The following DENND1A variants were observed in gnomAD, a reference collection of about 807,000 sequenced individuals.
DENND1A encodes DENN domain-containing protein 1A.
DENND1A carries 51 observed loss-of-function variants against 113.7 expected under a neutral mutation model. The observed-to-expected ratio is 0.45, with a 90% CI of 0.36 to 0.57. DENND1A has a LOEUF of 0.57. DENND1A is among the 20% of genes least tolerant of loss of function. DENND1A has a pLI of 0.00. For synonymous variants in DENND1A, 565 were observed against 570.8 expected, an observed-to-expected ratio of 0.99 and a Z score of 0.14; for missense variants, 1,258 against 1,395.9, an observed-to-expected ratio of 0.90 and a Z score of 1.57.
chr9:123,554,019 G>A (rs1589115364), intron 13 of DENND1A, among the ~76,000 whole-genome samples: 1 of 152,210 alleles, frequency 6.6e-6, no homozygotes, highest in African/African-American at 2.4e-5. Context: ...GCTTCCCAAA[G>A]TGCTGGGATT....
intron 2 of DENND1A, among the ~76,000 whole-genome samples, chr9:123,814,971 G>A (rs542660401): frequency 1.3e-5 from 2 of 152,314 alleles, no homozygotes; most frequent in Admixed American, 1.3e-4. Flanking sequence ...TCCAATGTTT[G>A]CTGAAAGCAA....
chr9:123,681,336 G>A (rs2064440401), intron 5 of DENND1A, among the ~76,000 whole-genome samples: 1 of 143,224 alleles, frequency 7.0e-6, no homozygotes, highest in African/African-American at 2.5e-5. Flanking sequence ...GTCGGGGGAG[G>A]GGAGGGAGGC....
At chr9:123,476,203 G>A (rs972651286) in intron 13 of DENND1A, among the ~76,000 whole-genome samples, 3 of 151,876 alleles carry the variant, frequency 2.0e-5, no homozygotes, top group African/African-American at 7.3e-5. Context: ...AAAAATGTTC[G>A]GGAGATTCCT....
chr9:123,727,906 A>G (rs1388896870), intron 5 of DENND1A, among the ~76,000 whole-genome samples: 1 of 151,866 alleles, frequency 6.6e-6, no homozygotes, highest in Non-Finnish European at 1.5e-5. Context: ...GGAGATCGAG[A>G]CCATCCTGGC....
intron 5 of DENND1A, among the ~76,000 whole-genome samples, chr9:123,744,713 T>C (rs1453928621): frequency 1.3e-5 from 2 of 151,988 alleles, no homozygotes; most frequent in Admixed American, 1.3e-4. Context: ...TACTATACTA[T>C]GTGATGTGGT....
In DENND1A at chr9:123,397,442, C is replaced by A. The variant is rs187459118; in HGVS notation, c.1631+5960G>T. Among the ~76,000 whole-genome samples the A allele has an allele frequency of 9.3e-4, 142 of 152,310 alleles. 1 individual carries two copies. Among genetic ancestry groups the A allele is most frequent in the African/African-American group, 3.2e-3 (131 of 41,572 alleles). ...AGTACTGGGATACAAGCATGAGCCACCGTGCCCAGCCTAGAATAAGGATAT... is the reference window on the plus strand; with the variant it reads ...AGTACTGGGATACAAGCATGAGCCAACGTGCCCAGCCTAGAATAAGGATAT... On this transcript the variant is annotated intron_variant, in intron 21 of 23. Transcript: ENST00000394215.
intron 9 of DENND1A, among the ~76,000 whole-genome samples, chr9:123,650,716 G>A (rs559553030): frequency 6.6e-6 from 1 of 151,986 alleles, no homozygotes; most frequent in Non-Finnish European, 1.5e-5. Context: ...AGACCAGCCT[G>A]GTCAACATGG....
intron 12 of DENND1A, among the ~76,000 whole-genome samples, chr9:123,576,973 T>C (rs1056091376): frequency 2.0e-5 from 3 of 152,190 alleles, no homozygotes; most frequent in East Asian, 1.9e-4. Context: ...TTTGGGTCCA[T>C]TGTGTTTCAG....
chr9:123,748,187 T>A lies in DENND1A; in HGVS notation c.302+9516A>T, dbSNP rs189695016. 2.1e-4 allele frequency among the ~76,000 whole-genome samples: 32 copies of A among 152,314 alleles called. 1 individual carries two copies. Among genetic ancestry groups the A allele is most frequent in the Middle Eastern group, 3.4e-3 (1 of 294 alleles). ...AAGAATATTTAATGACATGTAAAGA[T>A]GGTTACAATTTAATAAGTGAAAAAG... On this transcript the variant is annotated intron_variant, in intron 5 of 23. Coordinates refer to ENST00000394215, the MANE Select transcript of DENND1A (RefSeq NM_001352964.2).
intron 18 of DENND1A, among the ~76,000 whole-genome samples, chr9:123,447,865 C>T (rs897665727): frequency 6.6e-6 from 1 of 151,874 alleles, no homozygotes; most frequent in African/African-American, 2.4e-5. Flanking sequence ...TAAATTAGCT[C>T]AAGAAAGGGC....
rs576060310 is a variant in DENND1A at position 123,576,676 on chromosome 9, G to A, written c.867+6493C>T. ...ATCATGACTGGCTAATTTTTGTAGA[G>A]ACGGGGTTTCACCATGTTGGCCAGG... On this transcript the variant is annotated intron_variant, in intron 12 of 23. Transcript: ENST00000394215. Among the ~76,000 whole-genome samples the A allele has an allele frequency of 5.3e-5, 8 of 152,246 alleles. No homozygotes were observed. In the South Asian group the frequency reaches 1.7e-3, roughly 32 times the overall value.
At chr9:123,530,441 AC>A (rs2055204749) in intron 13 of DENND1A, among the ~76,000 whole-genome samples, 1 of 152,194 alleles carries the variant, frequency 6.6e-6, no homozygotes, top group Admixed American at 6.5e-5. Context: ...ACCGTTTCAT[AC>A]CCAGATAAAC....
intron 5 of DENND1A, among the ~76,000 whole-genome samples, chr9:123,720,428 C>T (rs1298825881): frequency 6.6e-6 from 1 of 152,150 alleles, no homozygotes; most frequent in African/African-American, 2.4e-5. Flanking sequence ...AAAGATTGGT[C>T]CGAGACCAGT....
intron 2 of DENND1A, among the ~76,000 whole-genome samples, chr9:123,857,314 T>C (rs552397184): frequency 1.4e-4 from 22 of 152,168 alleles, no homozygotes; most frequent in African/African-American, 4.8e-4. Flanking sequence ...CTGGAACAAA[T>C]TGAATAATTC....
intron 21 of DENND1A, among the ~76,000 whole-genome samples, chr9:123,392,907 TATG>T (rs1469282901): frequency 6.6e-6 from 1 of 152,192 alleles, no homozygotes; most frequent in East Asian, 1.9e-4. Flanking sequence ...AGTGAGAACA[TATG>T]ATGTTTGGTT....
intron 5 of DENND1A, among the ~76,000 whole-genome samples, chr9:123,737,084 T>C (rs1310313236): frequency 6.6e-6 from 1 of 152,252 alleles, no homozygotes; most frequent in Non-Finnish European, 1.5e-5. Flanking sequence ...GAGTTAATCC[T>C]GCCTGGGTTA....
chr9:123,786,604 C>G (rs796778201), intron 3 of DENND1A, among the ~76,000 whole-genome samples: 15 of 152,250 alleles, frequency 9.9e-5, no homozygotes, highest in African/African-American at 3.6e-4. Flanking sequence ...AATTAATATA[C>G]AAAATCAGAC....
chr9:123,731,172 G>A (rs1219944461), intron 5 of DENND1A, among the ~76,000 whole-genome samples: 1 of 152,082 alleles, frequency 6.6e-6, no homozygotes, highest in African/African-American at 2.4e-5. Flanking sequence ...GGGTTGATGG[G>A]TGCAGCAAAC....
intron 9 of DENND1A, among the ~76,000 whole-genome samples, chr9:123,635,309 C>T (rs1414180147): frequency 6.6e-6 from 1 of 151,942 alleles, no homozygotes; most frequent in African/African-American, 2.4e-5. Context: ...TGTTGATACA[C>T]ATATACACTC....
Sources: allele counts gnomAD v4.1 joint callset (sites outside exome capture counted in the v4.1 genomes callset), GRCh38; gene constraint gnomAD v4.1.1; transcripts MANE v1.5; gene names NCBI Gene and HGNC (gene_info 2026-07-23, HGNC 2026-07-21).